SSBP2: variants seen among roughly 807,000 people sequenced by gnomAD.
SSBP2 encodes the protein single-stranded DNA-binding protein 2.
In SSBP2, 17 loss-of-function variants were observed where a neutral mutation model predicts 61.8. The observed-to-expected ratio is 0.28, with a 90% confidence interval of 0.19 to 0.41. The LOEUF is 0.41. Among genes scored for constraint, SSBP2 ranks in the 10% least tolerant of loss-of-function variants. The probability of loss-of-function intolerance (pLI) is 1.00; values close to 1 mark genes in which losing one functional copy is unlikely to be tolerated. For missense variants in SSBP2, 310 were observed against 458.7 expected, an observed-to-expected ratio of 0.68 and a Z score of 2.96; for synonymous variants, 139 against 141.3, an observed-to-expected ratio of 0.98 and a Z score of 0.12.
At chr5:81,742,494 C>T (rs34135609) in intron 1 of SSBP2, among the ~76,000 whole-genome samples, 1 of 152,150 alleles carries the variant, frequency 6.6e-6, no homozygotes, top group Non-Finnish European at 1.5e-5. Context: ...AACCACTGTG[C>T]TAAGCAGTGG....
At chr5:81,580,804 T>C (rs73135614) in intron 4 of SSBP2, among the ~76,000 whole-genome samples, 14,936 of 151,336 alleles carry the variant, frequency 0.099, 844 homozygotes, top group African/African-American at 0.13. Context: ...AATGACACCA[T>C]ATGTTAACAC....
chr5:81,425,527 C>A (rs940304447), intron 16 of SSBP2, among the ~76,000 whole-genome samples: 6 of 152,050 alleles, frequency 3.9e-5, no homozygotes, highest in Non-Finnish European at 7.4e-5. Context: ...TATTTCAGTG[C>A]CATGGGAAAA....
intron 15 of SSBP2, among the ~76,000 whole-genome samples, chr5:81,430,889 GT>G (rs895248661): frequency 1.3e-5 from 2 of 152,096 alleles, no homozygotes; most frequent in Admixed American, 6.6e-5. Flanking sequence ...GGACAATTGG[GT>G]TTTTTTGGTT....
intron 1 of SSBP2, among the ~76,000 whole-genome samples, chr5:81,672,695 C>A (rs1751671276): frequency 6.6e-6 from 1 of 151,964 alleles, no homozygotes; most frequent in Non-Finnish European, 1.5e-5. Context: ...CCTCGGCATC[C>A]TGTGTAGCTG....
intron 1 of SSBP2, among the ~76,000 whole-genome samples, chr5:81,732,232 G>A (rs1756318405): frequency 6.6e-6 from 1 of 152,100 alleles, no homozygotes; most frequent in South Asian, 2.1e-4. Flanking sequence ...TTCTAAATAT[G>A]AAAACTATAA....
At chr5:81,751,183 CA>C, upstream of SSBP2, 1 of 887,774 alleles carries the variant, frequency 1.1e-6, no homozygotes, top group South Asian at 1.6e-5. Flanking sequence ...CCCCTTCGCC[CA>C]GGCAACGCGC....
upstream of SSBP2, among the ~76,000 whole-genome samples, chr5:81,751,514 C>A (rs999024422): frequency 6.6e-6 from 1 of 152,124 alleles, no homozygotes; most frequent in African/African-American, 2.4e-5. Context: ...GGCCTGGAGT[C>A]TCCGGCCGGA....
At chr5:81,431,876 G>A (rs1417177912) in intron 15 of SSBP2, among the ~76,000 whole-genome samples, 1 of 152,150 alleles carries the variant, frequency 6.6e-6, no homozygotes, top group Non-Finnish European at 1.5e-5. Flanking sequence ...GTGGACCACT[G>A]TGCCCAGCTC....
At chr5:81,514,873 C>T (rs10042303) in intron 4 of SSBP2, among the ~76,000 whole-genome samples, 62,745 of 151,714 alleles carry the variant, frequency 0.41, 15,125 homozygotes, top group African/African-American at 0.68. Flanking sequence ...TAGATTTAAA[C>T]GTGATTATCT....
intron 1 of SSBP2, among the ~76,000 whole-genome samples, chr5:81,696,678 T>C (rs899390790): frequency 2.0e-5 from 3 of 151,888 alleles, no homozygotes; most frequent in Non-Finnish European, 4.4e-5. Flanking sequence ...GCCGGGACTA[T>C]GTTCCCTGTA....
At chr5:81,591,430 G>T (rs570965362) in intron 4 of SSBP2, among the ~76,000 whole-genome samples, 1 of 152,232 alleles carries the variant, frequency 6.6e-6, no homozygotes, top group South Asian at 2.1e-4. Context: ...ACCACACACT[G>T]TCAACAGACA....
intron 4 of SSBP2, among the ~76,000 whole-genome samples, chr5:81,570,836 C>T (rs897548012): frequency 2.6e-5 from 4 of 152,164 alleles, no homozygotes; most frequent in African/African-American, 9.7e-5. Flanking sequence ...CATAATACAA[C>T]CTTCCAATCT....
intron 4 of SSBP2, among the ~76,000 whole-genome samples, chr5:81,581,980 A>G (rs1251804505): frequency 6.6e-6 from 1 of 152,182 alleles, no homozygotes; most frequent in African/African-American, 2.4e-5. Context: ...TAGTAATCAA[A>G]TTGTAACTCA....
intron 3 of SSBP2, among the ~76,000 whole-genome samples, chr5:81,624,007 G>C (rs1746894884): frequency 6.6e-6 from 1 of 152,094 alleles, no homozygotes. Context: ...CAAGCCTTGT[G>C]CTAGGTAGGT....
chr5:81,428,127 C>T (rs190125123), intron 16 of SSBP2, among the ~76,000 whole-genome samples: 10 of 152,248 alleles, frequency 6.6e-5, no homozygotes, highest in East Asian at 5.8e-4. Context: ...TACAATCACA[C>T]GCAAGCAGTG....
intron 2 of SSBP2, among the ~76,000 whole-genome samples, chr5:81,640,882 AC>A (rs1218220125): frequency 1.3e-5 from 2 of 152,196 alleles, no homozygotes; most frequent in Non-Finnish European, 2.9e-5. Context: ...GAATAAATAA[AC>A]CCTCACCAAC....
intron 10 of SSBP2, among the ~76,000 whole-genome samples, chr5:81,454,935 A>G (rs1764030461): frequency 6.6e-6 from 1 of 152,126 alleles, no homozygotes; most frequent in African/African-American, 2.4e-5. Context: ...AACATAATGT[A>G]GGTGCAGAAT....
chr5:81,710,410 T>C (rs1754692628), intron 1 of SSBP2, among the ~76,000 whole-genome samples: 1 of 152,116 alleles, frequency 6.6e-6, no homozygotes, highest in Non-Finnish European at 1.5e-5. Context: ...GCTTTGCTAG[T>C]GTTCCTCTTG....
At chr5:81,640,794 A>T (rs1262574247) in intron 2 of SSBP2, among the ~76,000 whole-genome samples, 1 of 152,028 alleles carries the variant, frequency 6.6e-6, no homozygotes, top group East Asian at 1.9e-4. Context: ...ATTTAGTCAA[A>T]AACCTATGTC....
Sources: gnomAD v4.1 joint callset for allele counts (sites outside exome capture counted in the v4.1 genomes callset) on GRCh38, gnomAD v4.1.1 for gene constraint, MANE v1.5 for transcripts, NCBI Gene and HGNC (gene_info 2026-07-23, HGNC 2026-07-21) for gene names.